The following TMEM50A variants were observed in gnomAD, a reference collection of about 807,000 sequenced individuals.
The protein encoded by TMEM50A is transmembrane protein 50A.
In TMEM50A, 8 loss-of-function variants were observed where a neutral mutation model predicts 23.9. The observed-to-expected ratio is 0.33, with a 90% CI of 0.20 to 0.60. TMEM50A has a LOEUF of 0.60. Ranked by LOEUF, TMEM50A falls within the 20% of genes least tolerant of loss-of-function variation. The pLI, the probability that TMEM50A is intolerant of heterozygous loss-of-function variation, is 0.81. For synonymous variants in TMEM50A, 55 were observed against 60.4 expected (o/e 0.91, Z 0.41); for missense variants, 178 against 192.7 (o/e 0.92, Z 0.45).
chr1:25,351,597 G>GACACC (rs1645276074), intron 3 of TMEM50A, 29 bp from the exon 4 acceptor site: 2 of 1,586,264 alleles, frequency 1.3e-6, no homozygotes, highest in African/African-American at 2.7e-5. Flanking sequence ...CATGGACCCT[G>GACACC]ATTTCTTGGT....
chr1:25,358,621 G>C (rs746783068), intron 6 of TMEM50A, among the ~76,000 whole-genome samples: 1 of 152,204 alleles, frequency 6.6e-6, no homozygotes, highest in Non-Finnish European at 1.5e-5. Flanking sequence ...TGTAAACTTA[G>C]ATGTGACAAG....
chr1:25,340,533 G>T lies in TMEM50A; in HGVS notation c.47G>T (p.Trp16Leu), dbSNP rs147456847. The change falls in exon 2 of 7, where the codon TGG (tryptophan) becomes TTG (leucine). Residue 16 changes from tryptophan (W) to leucine (L), a missense_variant. Trp to Leu is a moderately conservative substitution (Grantham distance 61). Transcript: ENST00000374358. Reference sequence around the variant, plus strand: ...TTGAGATGCTCAGAATGCATTGACTGGGGGGAAAAGCGCAATACTATTGCT... The same window carrying T: ...TTGAGATGCTCAGAATGCATTGACTTGGGGGAAAAGCGCAATACTATTGCT... ...EGLRCSECID[W>L]GEKRNTIASI... The T allele has an allele frequency of 3.8e-4, 616 of 1,613,364 alleles. 1 individual carries two copies. Among genetic ancestry groups the T allele is most frequent in the Non-Finnish European group, 4.7e-4 (552 of 1,179,718 alleles).
Position 25,340,619 on chromosome 1 carries a change from G to A in TMEM50A, c.93+40G>A, listed in dbSNP as rs1025712988. On this transcript the variant is annotated intron_variant, in intron 2 of 6. Transcript: ENST00000374358. ...TTATTTGGGCCTTATTTTTTGGTGC[G>A]TTTGTGTTTATGGGTTTTGAATTCT... The A allele has an allele frequency of 1.4e-5, 22 of 1,527,982 alleles. No homozygotes were observed. The African/African-American group carries it at 2.5e-4, about 17-fold the overall frequency. 94.7% of individuals were successfully genotyped at this position (1,527,982 alleles called of 1,614,324 possible). A position where few individuals can be genotyped will look rare whatever the true frequency, so the allele number is the denominator to read the frequency against.
rs1645403019 is a variant in TMEM50A, at chr1:25,361,467, T to G, written c.*762T>G. On this transcript the variant is annotated 3_prime_UTR_variant, in exon 7 of 7. Coordinates refer to ENST00000374358, the MANE Select transcript of TMEM50A (RefSeq NM_014313.4). ...CACTCCAGTCTTAGACAGGGGACAATTTCTTTGTAGTTGTTCTGATAATAA... is the reference window on the plus strand; with the variant it reads ...CACTCCAGTCTTAGACAGGGGACAAGTTCTTTGTAGTTGTTCTGATAATAA... 1 of 152,246 alleles carries G rather than the reference T, an allele frequency of 6.6e-6. No individual in the cohort carries two copies. The highest frequency in any genetic ancestry group is 1.5e-5 in the Non-Finnish European group (1 of 68,094). The allele number at this position is 152,246 out of a possible 1,614,324, so 9.4% of individuals were successfully genotyped here. A position where few individuals can be genotyped will look rare whatever the true frequency, so the allele number is the denominator to read the frequency against.
intron 2 of TMEM50A, chr1:25,342,709 C>T: frequency 4.4e-6 from 1 of 227,734 alleles, no homozygotes; most frequent in Non-Finnish European, 8.6e-6. Flanking sequence ...AATTAGATTA[C>T]AAGGCTTTAT....
intron 5 of TMEM50A, 76 bp downstream of exon 5, chr1:25,353,050 AAAATTTT>A: frequency 7.1e-7 from 1 of 1,417,102 alleles, no homozygotes; most frequent in Non-Finnish European, 9.6e-7. Context: ...ATTTTAGAAT[AAAATTTT>A]TTTCCTATAG....
chr1:25,342,884 C>G, intron 2 of TMEM50A, 77 bp from the exon 3 acceptor site: 1 of 1,172,032 alleles, frequency 8.5e-7, no homozygotes, highest in Non-Finnish European at 1.2e-6. Context: ...AAGGGATCTC[C>G]TCACTTAAAT....
intron 3 of TMEM50A, among the ~76,000 whole-genome samples, chr1:25,343,858 A>G (rs1016414816): frequency 6.6e-6 from 1 of 152,236 alleles, no homozygotes; most frequent in African/African-American, 2.4e-5. Context: ...GACCAGTATA[A>G]CTGCAGTAGC....
At chr1:25,345,604 G>C (rs944765883) in intron 3 of TMEM50A, among the ~76,000 whole-genome samples, 1 of 149,238 alleles carries the variant, frequency 6.7e-6, no homozygotes, top group Non-Finnish European at 1.5e-5. Flanking sequence ...AAATTAGCCA[G>C]GCACGGTGTT....
intron 2 of TMEM50A, among the ~76,000 whole-genome samples, chr1:25,341,265 T>G (rs1048018970): frequency 1.3e-5 from 2 of 152,232 alleles, no homozygotes; most frequent in African/African-American, 4.8e-5. Flanking sequence ...TTGTTTTTTT[T>G]GGTTTTTTTT....
intron 3 of TMEM50A, among the ~76,000 whole-genome samples, chr1:25,350,215 A>G (rs1466004143): frequency 6.6e-6 from 1 of 152,242 alleles, no homozygotes; most frequent in Non-Finnish European, 1.5e-5. Context: ...AATTTATTCC[A>G]AAGCCAATTT....
chr1:25,340,541 A>G lies in TMEM50A; in HGVS notation c.55A>G (p.Lys19Glu), dbSNP rs777958123. Residue 19 changes from lysine (K) to glutamate (E), a missense_variant, in exon 2 of 7, where the codon AAG becomes GAG. Coordinates refer to ENST00000374358, the MANE Select transcript of TMEM50A (RefSeq NM_014313.4). Reference protein sequence around the residue: ...RCSECIDWGEKRNTIASIAAG... With the variant: ...RCSECIDWGEERNTIASIAAG... ...CTCAGAATGCATTGACTGGGGGGAA[A>G]AGCGCAATACTATTGCTTCCATTGC... The G allele has an allele frequency of 2.5e-6, 4 of 1,613,964 alleles. No individual in the cohort carries two copies. Among genetic ancestry groups the G allele is most frequent in the Admixed American group, 3.3e-5 (2 of 59,982 alleles).
chr1:25,360,990 A>G lies in TMEM50A; in HGVS notation c.*285A>G. The stretch of plus-strand genomic sequence containing the variant: ...TGTAAAAATAAAAAGAAATTACAAA[A>G]GAAATTATGGATTTGTCAATGTAAG... On this transcript the variant is annotated 3_prime_UTR_variant, in exon 7 of 7. Transcript: ENST00000374358. 1 of 322,518 alleles carries G rather than the reference A, an allele frequency of 3.1e-6. No homozygotes were observed. Among genetic ancestry groups the G allele is most frequent in the African/African-American group, 2.1e-5 (1 of 47,324 alleles). The allele number at this position is 322,518 out of a possible 1,614,324, so 20.0% of individuals were successfully genotyped here.
rs1466098157 is a variant in TMEM50A at position 25,351,633 on chromosome 1, G to T, written c.214G>T (p.Ala72Ser). 6 of 1,611,556 alleles carry T rather than the reference G, an allele frequency of 3.7e-6. No homozygotes were observed. Among genetic ancestry groups the T allele is most frequent in the Non-Finnish European group, 5.1e-6 (6 of 1,179,316 alleles). ...TTTATTTTATTCATACAGGATTAAT[G>T]CAGTATCGAATGGACAAGTCCGAGG... ...IATIAFLMIN[A>S]VSNGQVRGDS... The change falls in exon 4 of 7, where the codon GCA becomes TCA. Residue 72 changes from alanine to serine, a missense_variant. Transcript: ENST00000374358.
chr1:25,348,245 A>G lies in TMEM50A; in HGVS notation c.207-3381A>G, dbSNP rs149517232. Among the ~76,000 whole-genome samples, 385 of 152,342 alleles carry G rather than the reference A, an allele frequency of 2.5e-3. 2 individuals carry two copies. The highest frequency in any genetic ancestry group is 8.8e-3 in the African/African-American group (365 of 41,582). On this transcript the variant is annotated intron_variant, in intron 3 of 6. Transcript: ENST00000374358. ...TTTAAACAAAAACTGTTAGTTAATT[A>G]TAATTCAAATGGATAGGAGTCAAAA... is the stretch of plus-strand genomic sequence containing the variant.
intron 3 of TMEM50A, among the ~76,000 whole-genome samples, chr1:25,345,868 A>G (rs558876168): frequency 6.7e-6 from 1 of 149,964 alleles, no homozygotes; most frequent in South Asian, 2.1e-4. Context: ...GCTCACTGCA[A>G]CCTCCACCTC....
intron 6 of TMEM50A, among the ~76,000 whole-genome samples, chr1:25,357,535 G>GTGTGTGTGTGTGTGTGTGTGTGTGTGT (rs1221970614): frequency 6.9e-6 from 1 of 144,676 alleles, no homozygotes. Flanking sequence ...AGGAGTGTGT[G>GTGTGTGTGTGTGTGTGTGTGTGTGTGT]TGTGTGTGTG....
intron 6 of TMEM50A, 83 bp from the exon 7 acceptor site, chr1:25,360,573 GTTGT>G: frequency 6.9e-7 from 1 of 1,454,438 alleles, no homozygotes; most frequent in South Asian, 1.2e-5. Flanking sequence ...ATTATTCTTC[GTTGT>G]TTGTTTCACA....
In TMEM50A at chr1:25,360,921, CTT is replaced by C; in HGVS notation, c.*218_*219del. 2.5e-6 allele frequency: 1 copy of C among 400,090 alleles called. No homozygotes were observed. The highest frequency in any genetic ancestry group is 3.7e-5 in the East Asian group (1 of 26,698). 24.8% of individuals were successfully genotyped at this position (400,090 alleles called of 1,614,324 possible). ...TTAACTTATAAAATGTTAGAGGAAA[CTT>C]TCACATGAATAATTTTTGTCAAATT... is the stretch of plus-strand genomic sequence containing the variant. On this transcript the variant is annotated 3_prime_UTR_variant, in exon 7 of 7. Coordinates refer to ENST00000374358, the MANE Select transcript of TMEM50A (RefSeq NM_014313.4).
Sources: gnomAD v4.1 joint callset for allele counts (sites outside exome capture counted in the v4.1 genomes callset) on GRCh38, gnomAD v4.1.1 for gene constraint, MANE v1.5 for transcripts, NCBI Gene and HGNC (gene_info 2026-07-23, HGNC 2026-07-21) for gene names.